Variants in KRT84 observed in about 807,000 individuals in gnomAD.
The protein encoded by KRT84 is keratin 84, also known as keratin, type II cuticular Hb4.
Under a neutral mutation model 49.0 loss-of-function variants are expected in KRT84, and 38 were observed. The ratio of observed to expected loss-of-function variants is 0.78; its 90% CI spans 0.60 to 1.02. The LOEUF (loss-of-function observed/expected upper bound fraction) is 1.02, where lower values mean the gene tolerates loss of function less well. KRT84 is among the 50% of genes least tolerant of loss of function. The pLI is 0.00. For synonymous variants in KRT84, 334 were observed against 312.8 expected, an observed-to-expected ratio of 1.07 and a Z score of -0.72; for missense variants, 860 against 788.6, an observed-to-expected ratio of 1.09 and a Z score of -1.08.
chr12:52,383,470 C>CAT, intron 2 of KRT84, 120 bp downstream of exon 2: 1 of 725,048 alleles, frequency 1.4e-6, no homozygotes. Flanking sequence ...CCTCCCCAGG[C>CAT]TTGATGTGGT....
upstream of KRT84, among the ~76,000 whole-genome samples, chr12:52,386,832 T>C (rs1939579423): frequency 6.6e-6 from 1 of 152,172 alleles, no homozygotes. Context: ...ACCTTTTCTA[T>C]TCTAGTGCAT....
Position 52,378,379 on chromosome 12 carries a change from G to GGCTGC in KRT84, c.1457-4_1457dup (p.Val487GlnfsTer63). The stretch of plus-strand genomic sequence containing the variant: ...CCAGGCCGCCCCGGGAGCTGCTGAC[G>GGCTGC]GCTGCGGAGAAAGAAAGCATCAGGG... On this transcript the variant is annotated frameshift_variant and splice_region_variant, in exon 9 of 9. Transcript: ENST00000257951. LOFTEE classifies it low-confidence loss of function (END_TRUNC). The GGCTGC allele has an allele frequency of 2.7e-6, 4 of 1,455,614 alleles. No homozygotes were observed. The highest frequency in any genetic ancestry group is 3.6e-6 in the Non-Finnish European group (4 of 1,106,994). 90.2% of individuals were successfully genotyped at this position (1,455,614 alleles called of 1,614,324 possible).
chr12:52,383,379 C>A (rs564510887), intron 2 of KRT84, among the ~76,000 whole-genome samples: 1 of 152,332 alleles, frequency 6.6e-6, no homozygotes, highest in East Asian at 1.9e-4. Flanking sequence ...TAGGGCCCAA[C>A]TGAAAAAGAT....
chr12:52,379,961 C>G, intron 7 of KRT84, 54 bp from the exon 8 acceptor site: 4 of 1,529,144 alleles, frequency 2.6e-6, no homozygotes, highest in Non-Finnish European at 2.7e-6. Flanking sequence ...TCCTGAAAAC[C>G]TATTTGCCAT....
rs372887915 is a variant in KRT84, at chr12:52,381,063, T to C, written c.1203+17A>G. On this transcript the variant is annotated intron_variant, in intron 6 of 8. Coordinates refer to ENST00000257951, the MANE Select transcript of KRT84 (RefSeq NM_033045.4). Reference sequence around the variant, plus strand: ...GTTCTCCCTCATCTGAGGCTTTCCCTCCTTTCCTTTGCCCACCTGAGCCTT... The same window carrying C: ...GTTCTCCCTCATCTGAGGCTTTCCCCCCTTTCCTTTGCCCACCTGAGCCTT... 3.1e-6 allele frequency: 5 copies of C among 1,613,058 alleles called. No homozygotes were observed. Among genetic ancestry groups the C allele is most frequent in the Non-Finnish European group, 4.2e-6 (5 of 1,179,364 alleles).
intron 6 of KRT84, 82 bp from the exon 7 acceptor site, chr12:52,380,665 T>A (rs1939467278): frequency 1.2e-5 from 16 of 1,382,700 alleles, no homozygotes; most frequent in South Asian, 8.3e-5. Context: ...CCCCTCTTAG[T>A]GGGAACATAG....
intron 4 of KRT84, 28 bp from the exon 5 acceptor site, chr12:52,381,553 G>A (rs781475072): frequency 1.2e-6 from 2 of 1,608,322 alleles, no homozygotes; most frequent in Non-Finnish European, 1.7e-6. Flanking sequence ...GGAGACAGAT[G>A]TGCTTAGAGT....
chr12:52,379,911 G>A lies in KRT84; in HGVS notation c.1425-4C>T, dbSNP rs747247286. ...TGGTCCAACACCTTCACAGAGCCTG[G>A]AAAGGGGAAGAAACAAATCATTTCA... On this transcript the variant is annotated splice_region_variant and splice_polypyrimidine_tract_variant and intron_variant, in intron 7 of 8. Transcript: ENST00000257951. 8.7e-6 allele frequency: 14 copies of A among 1,610,882 alleles called. 1 individual carries two copies. The highest frequency in any genetic ancestry group is 1.3e-5 in the African/African-American group (1 of 74,752).
Position 52,385,613 on chromosome 12 carries a change from G to A in KRT84, c.-28C>T. ...TGGCTTCCTGGTTGGGAGCAAAAGA[G>A]CAAGTGTAGAATGGGTGAGCTGGAG... On this transcript the variant is annotated 5_prime_UTR_variant, in exon 1 of 9. Coordinates refer to ENST00000257951, the MANE Select transcript of KRT84 (RefSeq NM_033045.4). 6.2e-7 allele frequency: 1 copy of A among 1,602,294 alleles called. No individual in the cohort carries two copies. Among genetic ancestry groups the A allele is most frequent in the Non-Finnish European group, 8.5e-7 (1 of 1,174,350 alleles).
chr12:52,380,829 A>G (rs1939469469), intron 6 of KRT84, among the ~76,000 whole-genome samples: 1 of 152,180 alleles, frequency 6.6e-6, no homozygotes, highest in African/African-American at 2.4e-5. Context: ...GAGTCATGGC[A>G]TCTAGAGGGT....
At chr12:52,380,027 T>G in intron 7 of KRT84, 120 bp from the exon 8 acceptor site, 1 of 845,698 alleles carries the variant, frequency 1.2e-6, no homozygotes, top group Non-Finnish European at 1.9e-6. Flanking sequence ...CACCCCTGGT[T>G]ATACACACAT....
intron 1 of KRT84, among the ~76,000 whole-genome samples, chr12:52,384,532 G>T (rs1374068764): frequency 1.3e-5 from 2 of 152,166 alleles, no homozygotes; most frequent in African/African-American, 2.4e-5. Context: ...CCATGTGGGG[G>T]TATGAATTCT....
chr12:52,379,372 T>A (rs1045551064), intron 8 of KRT84, among the ~76,000 whole-genome samples: 1 of 152,218 alleles, frequency 6.6e-6, no homozygotes, highest in East Asian at 1.9e-4. Context: ...ATTCTATTTC[T>A]AGAGAGCGTG....
At chr12:52,382,369 C>T in intron 4 of KRT84, 68 bp downstream of exon 4, 6 of 1,038,918 alleles carry the variant, frequency 5.8e-6, no homozygotes, top group Non-Finnish European at 9.1e-6. Flanking sequence ...CTAGCCCAGG[C>T]TAAGCATTCA....
intron 6 of KRT84, 105 bp from the exon 7 acceptor site, chr12:52,380,688 G>T: frequency 8.4e-7 from 1 of 1,192,090 alleles, no homozygotes; most frequent in Admixed American, 2.4e-5. Flanking sequence ...TGGGGCCAAG[G>T]CAGGGATGGA....
In KRT84 at chr12:52,385,419, A is replaced by T. The variant is rs747891444; in HGVS notation, c.167T>A (p.Ile56Asn). 9 of 1,614,150 alleles carry T rather than the reference A, an allele frequency of 5.6e-6. No individual in the cohort carries two copies. The highest frequency in any genetic ancestry group is 7.6e-6 in the Non-Finnish European group (9 of 1,180,006). The change falls in exon 1 of 9, where the codon ATC becomes AAC. Residue 56 changes from isoleucine to asparagine, a missense_variant. By Grantham distance (149) the Ile-to-Asn change is moderately radical (BLOSUM62 -3). Coordinates refer to ENST00000257951, the MANE Select transcript of KRT84 (RefSeq NM_033045.4). The part of the protein sequence containing the change: ...GLGSFGSRSV[I>N]TFGSYSPRIA... Reference sequence around the variant, plus strand: ...CCGGGGTGAGTACGATCCAAAGGTGATGACACTCCGACTACCAAAGCTGCC... The same window carrying T: ...CCGGGGTGAGTACGATCCAAAGGTGTTGACACTCCGACTACCAAAGCTGCC...
intron 4 of KRT84, 97 bp downstream of exon 4, chr12:52,382,340 G>A (rs1419139463): frequency 1.3e-6 from 1 of 792,722 alleles, no homozygotes; most frequent in East Asian, 2.5e-5. Context: ...ATATATGATA[G>A]CAAATGTTTG....
In KRT84 at chr12:52,380,520, C is replaced by G. The variant is rs1168967512; in HGVS notation, c.1267G>C (p.Ala423Pro). ...EQQGEATLSD[A>P]KCKLADLECA... The stretch of plus-strand genomic sequence containing the variant: ...TCCAGATCTGCCAGCTTGCATTTGG[C>G]ATCACTGAGGGTCGCCTCGCCCTGC... The change falls in exon 7 of 9, where the codon GCC becomes CCC. Residue 423 changes from alanine to proline, a missense_variant. Physicochemically the swap from Ala to Pro is conservative, Grantham distance 27 (BLOSUM62 -1). Transcript: ENST00000257951. 1 of 1,614,074 alleles carries G rather than the reference C, an allele frequency of 6.2e-7. No individual in the cohort carries two copies. The highest frequency in any genetic ancestry group is 1.3e-5 in the African/African-American group (1 of 75,070).
chr12:52,382,662 C>G (rs894539373), intron 3 of KRT84, 130 bp from the exon 4 acceptor site: 9 of 705,898 alleles, frequency 1.3e-5, no homozygotes, highest in Non-Finnish European at 2.2e-5. Flanking sequence ...AGAAGTGAAG[C>G]TCAGCAACTT....
Sources: gnomAD v4.1 joint callset for allele counts (sites outside exome capture counted in the v4.1 genomes callset) on GRCh38, gnomAD v4.1.1 for gene constraint, MANE v1.5 for transcripts, NCBI Gene and HGNC (gene_info 2026-07-23, HGNC 2026-07-21) for gene names.